The following BICC1 variants were observed in gnomAD, a reference collection of about 807,000 sequenced individuals.
The protein encoded by BICC1 is BicC family RNA binding protein 1.
A neutral mutation model predicts 111.0 loss-of-function variants in BICC1; 43 were observed. The ratio of observed to expected loss-of-function variants is 0.39; its 90% CI spans 0.30 to 0.50. The LOEUF (loss-of-function observed/expected upper bound fraction) is 0.50. BICC1 is among the 20% of genes least tolerant of loss of function. The pLI is 0.88. For synonymous variants in BICC1, 467 were observed against 434.4 expected, an observed-to-expected ratio of 1.07 and a Z score of -0.93; for missense variants, 1,091 against 1,203.2, an observed-to-expected ratio of 0.91 and a Z score of 1.38.
Position 58,786,976 on chromosome 10 carries a change from A to G in BICC1, c.441A>G (p.Val147=). ...MDVSHTEHSH[V]IGKGGNNIKK... ...TTTCACATACAGAACATTCACATGT[A>G]ATCGGCAAAGGTGGCAACAATATTA... The change falls in exon 5 of 21, where the codon GTA becomes GTG. Residue 147 remains valine, a synonymous_variant. Coordinates refer to ENST00000373886, the MANE Select transcript of BICC1 (RefSeq NM_001080512.3). 6.2e-7 allele frequency: 1 copy of G among 1,610,004 alleles called. No individual in the cohort carries two copies. The highest frequency in any genetic ancestry group is 8.5e-7 in the Non-Finnish European group (1 of 1,178,506).
chr10:58,778,776 A>G (rs1842811683), intron 3 of BICC1, among the ~76,000 whole-genome samples: 1 of 152,172 alleles, frequency 6.6e-6, no homozygotes, highest in South Asian at 2.1e-4. Flanking sequence ...CTGACATGTT[A>G]TGGCTGCCCA....
intron 2 of BICC1, among the ~76,000 whole-genome samples, chr10:58,634,021 T>C (rs1837880154): frequency 6.7e-6 from 1 of 150,360 alleles, no homozygotes; most frequent in Non-Finnish European, 1.5e-5. Flanking sequence ...TTAGATGGAG[T>C]TTTGCTCTCG....
chr10:58,715,573 G>A (rs949587338), intron 3 of BICC1: 1 of 1,576,442 alleles, frequency 6.3e-7, no homozygotes, highest in Non-Finnish European at 8.7e-7. Flanking sequence ...CGGGACAATC[G>A]GGTGGCCTAT....
intron 1 of BICC1, among the ~76,000 whole-genome samples, chr10:58,585,154 A>G (rs550561999): frequency 1.5e-4 from 23 of 152,340 alleles, no homozygotes; most frequent in African/African-American, 4.8e-4. Flanking sequence ...TAAGACTAAC[A>G]TATTTAGGTA....
chr10:58,763,879 G>A (rs1229327890), intron 3 of BICC1, among the ~76,000 whole-genome samples: 3 of 152,012 alleles, frequency 2.0e-5, no homozygotes, highest in Non-Finnish European at 4.4e-5. Flanking sequence ...AGTTACACAA[G>A]TAGACGCCCT....
chr10:58,521,729 T>A (rs547473656), intron 1 of BICC1, among the ~76,000 whole-genome samples: 19 of 151,150 alleles, frequency 1.3e-4, no homozygotes, highest in African/African-American at 4.6e-4. Flanking sequence ...CAGTATTTTT[T>A]AAAAGTTGTG....
In BICC1 at chr10:58,555,305, C is replaced by CTTTTTT. The variant is rs1564485963; in HGVS notation, c.190+41972_190+41973insTTTTTT. Among the ~76,000 whole-genome samples the CTTTTTT allele has an allele frequency of 3.2e-5, 3 of 93,828 alleles. 1 individual carries two copies. The highest frequency in any genetic ancestry group is 1.3e-4 in the African/African-American group (3 of 22,708). The allele number at this position is 93,828 out of a possible 152,430, so 61.6% of individuals were successfully genotyped here. ...GCTGAAGAGAATAGAGGCTGTTGGA[C>CTTTTTT]ATTTTTTTTTTTTTTTTTTTTTTTT... is the stretch of plus-strand genomic sequence containing the variant. On this transcript the variant is annotated intron_variant, in intron 1 of 20. Coordinates refer to ENST00000373886, the MANE Select transcript of BICC1 (RefSeq NM_001080512.3).
chr10:58,740,348 A>C (rs531077912), intron 3 of BICC1, among the ~76,000 whole-genome samples: 1 of 152,240 alleles, frequency 6.6e-6, no homozygotes, highest in Non-Finnish European at 1.5e-5. Context: ...TATTTTGGAA[A>C]CTTATCAGAG....
chr10:58,564,173 T>A (rs1658440), intron 1 of BICC1, among the ~76,000 whole-genome samples: 69,940 of 152,096 alleles, frequency 0.46, 17,149 homozygotes, highest in Admixed American at 0.62. Context: ...TTTTTCCTTT[T>A]CTTTTTCTTG....
intron 20 of BICC1, among the ~76,000 whole-genome samples, chr10:58,827,986 T>C (rs1844448867): frequency 6.6e-6 from 1 of 152,220 alleles, no homozygotes; most frequent in Non-Finnish European, 1.5e-5. Context: ...ATATATTTTC[T>C]CTTCCTAATG....
At chr10:58,722,335 C>T (rs564193822) in intron 3 of BICC1, among the ~76,000 whole-genome samples, 5 of 152,176 alleles carry the variant, frequency 3.3e-5, no homozygotes, top group South Asian at 4.1e-4. Context: ...CTTATTCTAG[C>T]GGAGAAGGAA....
chr10:58,635,101 G>A (rs2132188556), intron 2 of BICC1, among the ~76,000 whole-genome samples: 1 of 152,220 alleles, frequency 6.6e-6, no homozygotes, highest in South Asian at 2.1e-4. Context: ...GTGTATGTGT[G>A]TCAATTACTG....
upstream of BICC1, among the ~76,000 whole-genome samples, chr10:58,512,817 G>A (rs545554979): frequency 4.7e-5 from 7 of 150,124 alleles, no homozygotes; most frequent in East Asian, 1.4e-3. Context: ...GGGGCGGCGG[G>A]CGGGGAGGGG....
chr10:58,663,333 C>G (rs1838906216), intron 2 of BICC1, among the ~76,000 whole-genome samples: 1 of 152,188 alleles, frequency 6.6e-6, no homozygotes, highest in African/African-American at 2.4e-5. Flanking sequence ...TCCCAAAGTG[C>G]TGGGGTTACA....
At position 58,803,126 on chromosome 10, in the gene BICC1, C is replaced by T; in HGVS notation, c.2065C>T (p.Pro689Ser). 2 of 1,610,058 alleles carry T rather than the reference C, an allele frequency of 1.2e-6. No homozygotes were observed. Among genetic ancestry groups the T allele is most frequent in the Non-Finnish European group, 1.7e-6 (2 of 1,178,096 alleles). ...SDPELSATES[P>S]LADKKAPGSE... ...CCCTGAACTGAGTGCTACCGAAAGC[C>T]CTTTGGCTGACAAGAAGGCTCCAGG... The change falls in exon 15 of 21, where the codon CCT becomes TCT. Residue 689 changes from proline to serine, a missense_variant. Transcript: ENST00000373886.
At chr10:58,768,316 G>A (rs1842515740) in intron 3 of BICC1, among the ~76,000 whole-genome samples, 1 of 152,088 alleles carries the variant, frequency 6.6e-6, no homozygotes, top group Non-Finnish European at 1.5e-5. Flanking sequence ...TCAAAGTGCT[G>A]AAAGGAAAAA....
In BICC1 at chr10:58,678,222, A is replaced by G. The variant is rs142575056; in HGVS notation, c.238-23852A>G. 4.2e-3 allele frequency among the ~76,000 whole-genome samples: 638 copies of G among 152,372 alleles called. 13 individuals are homozygous for G. The highest frequency in any genetic ancestry group is 0.015 in the African/African-American group (607 of 41,594). On this transcript the variant is annotated intron_variant, in intron 2 of 20. Transcript: ENST00000373886. ...TATTAACCTTAAATGTAAATGGGCT[A>G]AATGCCCCAATTAAAAGGCACAGAC...
intron 3 of BICC1, among the ~76,000 whole-genome samples, chr10:58,739,568 C>G (rs9415580): frequency 0.96 from 145,497 of 152,044 alleles, 69,993 homozygotes; most frequent in Middle Eastern, 1. Flanking sequence ...CCTTCCAGAT[C>G]TAATTTCTCT....
intron 1 of BICC1, among the ~76,000 whole-genome samples, chr10:58,514,916 A>C (rs1355344202): frequency 6.6e-6 from 1 of 152,220 alleles, no homozygotes; most frequent in African/African-American, 2.4e-5. Context: ...TGATAGTAGC[A>C]CATACTCATC....
Sources: allele counts gnomAD v4.1 joint callset (sites outside exome capture counted in the v4.1 genomes callset), GRCh38; gene constraint gnomAD v4.1.1; transcripts MANE v1.5; gene names NCBI Gene and HGNC (gene_info 2026-07-23, HGNC 2026-07-21).